The following DNAH11 variants were observed in gnomAD, a reference collection of about 807,000 sequenced individuals.
The protein encoded by DNAH11 is axonemal beta dynein heavy chain 11.
Under a neutral mutation model 526.0 loss-of-function variants are expected in DNAH11, and 442 were observed. The ratio of observed to expected loss-of-function variants is 0.84; its 90% CI spans 0.78 to 0.91. DNAH11 has a LOEUF of 0.91. Ranked by LOEUF, DNAH11 falls within the 40% of genes least tolerant of loss-of-function variation. The pLI is 0.00. For missense variants in DNAH11, 6,989 were observed against 5,448.7 expected, an observed-to-expected ratio of 1.28 and a Z score of -8.90; for synonymous variants, 2,461 against 1,935.9, an observed-to-expected ratio of 1.27 and a Z score of -7.12.
chr7:21,842,327 T>C (rs1157177200), intron 65 of DNAH11, among the ~76,000 whole-genome samples: 1 of 152,230 alleles, frequency 6.6e-6, no homozygotes, highest in African/African-American at 2.4e-5. Context: ...ACTATTATTG[T>C]CAATATTTCA....
intron 30 of DNAH11, among the ~76,000 whole-genome samples, chr7:21,680,090 CCTCCCTTTCTT>C (rs1343968902): frequency 1.3e-5 from 2 of 152,218 alleles, no homozygotes; most frequent in Non-Finnish European, 2.9e-5. Context: ...GTTATCTCTT[CCTCCCTTTCTT>C]CTCCCTTCTT....
chr7:21,728,942 A>C (rs2906671), intron 45 of DNAH11, among the ~76,000 whole-genome samples: 142,264 of 152,330 alleles, frequency 0.93, 66,514 homozygotes, highest in African/African-American at 0.96. Context: ...GCCTCTGGAC[A>C]CACTAAGGCG....
chr7:21,732,116 T>A (rs1379574360), intron 45 of DNAH11, among the ~76,000 whole-genome samples: 1 of 152,184 alleles, frequency 6.6e-6, no homozygotes, highest in Non-Finnish European at 1.5e-5. Flanking sequence ...AGGGCTGCCA[T>A]AACAAAATAC....
chr7:21,884,496 G>T, intron 76 of DNAH11, 86 bp downstream of exon 76: 2 of 1,357,936 alleles, frequency 1.5e-6, no homozygotes, highest in Middle Eastern at 1.9e-4. Flanking sequence ...TATACTATGG[G>T]CAATTCTTAA....
chr7:21,773,506 C>G (rs575450381), intron 55 of DNAH11, among the ~76,000 whole-genome samples: 1 of 152,058 alleles, frequency 6.6e-6, no homozygotes, highest in Non-Finnish European at 1.5e-5. Context: ...TCTGTATATG[C>G]TGGCTTTTGT....
At chr7:21,779,955 T>C (rs748745373) in intron 57 of DNAH11, among the ~76,000 whole-genome samples, 10 of 152,190 alleles carry the variant, frequency 6.6e-5, no homozygotes, top group Non-Finnish European at 1.5e-4. Flanking sequence ...TTTTCTTGTA[T>C]TTTATGTTAC....
chr7:21,761,802 T>G (rs144098840), intron 54 of DNAH11, among the ~76,000 whole-genome samples: 16 of 152,170 alleles, frequency 1.1e-4, no homozygotes, highest in African/African-American at 2.9e-4. Context: ...AATCATAAAA[T>G]TGTAGAAAAG....
chr7:21,717,510 G>A (rs1057399101), intron 42 of DNAH11, among the ~76,000 whole-genome samples: 1 of 152,040 alleles, frequency 6.6e-6, no homozygotes, highest in Non-Finnish European at 1.5e-5. Flanking sequence ...GCTCGGTAAT[G>A]GTCTACTTAT....
In DNAH11 at chr7:21,673,238, A is replaced by G. The variant is rs544070451; in HGVS notation, c.5329-8308A>G. On this transcript the variant is annotated intron_variant, in intron 30 of 81. Coordinates refer to ENST00000409508, the MANE Select transcript of DNAH11 (RefSeq NM_001277115.2). ...AGAAGGTTTAGTATTTGTAAAATAT[A>G]CAGTGAGATCTTAGAATTGTGTACT... Among the ~76,000 whole-genome samples, 9 of 152,334 alleles carry G rather than the reference A, an allele frequency of 5.9e-5. No individual in the cohort carries two copies. The South Asian group carries it at 1.9e-3, about 32-fold the overall frequency.
At chr7:21,804,179 G>A (rs1414534138) in intron 62 of DNAH11, among the ~76,000 whole-genome samples, 1 of 152,078 alleles carries the variant, frequency 6.6e-6, no homozygotes, top group African/African-American at 2.4e-5. Context: ...CACCATCTCG[G>A]CTCACTGCAA....
In DNAH11 at chr7:21,564,219, T is replaced by G. The variant is rs1783574873; in HGVS notation, c.1016T>G (p.Leu339Arg). 1 of 1,607,212 alleles carries G rather than the reference T, an allele frequency of 6.2e-7. No homozygotes were observed. Among genetic ancestry groups the G allele is most frequent in the Non-Finnish European group, 8.5e-7 (1 of 1,176,812 alleles). The change falls in exon 6 of 82, where the codon CTG becomes CGG. Residue 339 changes from leucine to arginine, a missense_variant. Physicochemically the swap from Leu to Arg is moderately radical, Grantham distance 102. Coordinates refer to ENST00000409508, the MANE Select transcript of DNAH11 (RefSeq NM_001277115.2). ...GAAGCCCAAGATGTGGAACTTTACC[T>G]GAGACCTCTGAGGAGACACATCCAG... ...LLEAQDVELYLRPLRRHIQCL... is the reference protein window; with the variant it reads ...LLEAQDVELYRRPLRRHIQCL...
intron 2 of DNAH11, among the ~76,000 whole-genome samples, chr7:21,550,598 T>C (rs1249732083): frequency 6.6e-6 from 1 of 152,104 alleles, no homozygotes; most frequent in Admixed American, 6.5e-5. Context: ...TTTTGGAGAG[T>C]TTGATTCATT....
chr7:21,806,265 A>T (rs1188883287), intron 62 of DNAH11, among the ~76,000 whole-genome samples: 1 of 152,222 alleles, frequency 6.6e-6, no homozygotes, highest in Non-Finnish European at 1.5e-5. Flanking sequence ...AATGAGTTGG[A>T]TACATTTTAT....
chr7:21,655,766 C>A, intron 28 of DNAH11, 66 bp from the exon 29 acceptor site: 1 of 1,489,786 alleles, frequency 6.7e-7, no homozygotes, highest in Non-Finnish European at 9.2e-7. Context: ...ATGGCATCAT[C>A]TCTAGATTAT....
At chr7:21,704,104 G>C (rs762473570) in intron 37 of DNAH11, among the ~76,000 whole-genome samples, 1 of 152,018 alleles carries the variant, frequency 6.6e-6, no homozygotes, top group African/African-American at 2.4e-5. Context: ...TGATGGGCTT[G>C]ATTAATTTAA....
At chr7:21,731,825 G>GTCGA (rs1261094138) in intron 45 of DNAH11, among the ~76,000 whole-genome samples, 1 of 152,096 alleles carries the variant, frequency 6.6e-6, no homozygotes, top group Non-Finnish European at 1.5e-5. Flanking sequence ...TGGTGACCAG[G>GTCGA]TCGATTGTTG....
At chr7:21,864,060 C>T (rs959650101) in intron 69 of DNAH11, among the ~76,000 whole-genome samples, 1 of 152,152 alleles carries the variant, frequency 6.6e-6, no homozygotes, top group Admixed American at 6.5e-5. Context: ...AAAAGGTTTT[C>T]TCATTCTTCT....
chr7:21,678,870 A>C (rs1318524749), intron 30 of DNAH11, among the ~76,000 whole-genome samples: 1 of 152,164 alleles, frequency 6.6e-6, no homozygotes, highest in African/African-American at 2.4e-5. Flanking sequence ...CAGCAATCTC[A>C]CTTCTGGGTA....
In DNAH11 at chr7:21,615,158, GCAA is replaced by G; in HGVS notation, c.3898_3900del (p.Gln1300del). Reference sequence around the variant, plus strand: ...CCTTAGAAGAAGAAATGTTGCAGATGCAAGAATCTACTCGTCTTTTTGAAGTGG... The same window carrying G: ...CCTTAGAAGAAGAAATGTTGCAGATGGAATCTACTCGTCTTTTTGAAGTGG... On this transcript the variant is annotated inframe_deletion, in exon 21 of 82. Coordinates refer to ENST00000409508, the MANE Select transcript of DNAH11 (RefSeq NM_001277115.2). 1.2e-6 allele frequency: 2 copies of G among 1,612,700 alleles called. No homozygotes were observed. Among genetic ancestry groups the G allele is most frequent in the Non-Finnish European group, 1.7e-6 (2 of 1,179,326 alleles).
Sources: gnomAD v4.1 joint callset for allele counts (sites outside exome capture counted in the v4.1 genomes callset) on GRCh38, gnomAD v4.1.1 for gene constraint, MANE v1.5 for transcripts, NCBI Gene and HGNC (gene_info 2026-07-23, HGNC 2026-07-21) for gene names.